The following MGMT variants were observed in gnomAD, a reference collection of about 807,000 sequenced individuals.
MGMT encodes methylated-DNA--protein-cysteine methyltransferase.
A neutral mutation model predicts 15.9 loss-of-function variants in MGMT; 14 were observed. The observed-to-expected ratio is 0.88, with a 90% CI of 0.58 to 1.37. The LOEUF is 1.37. Ranked by LOEUF, MGMT falls within the 40% of genes most tolerant of loss-of-function variation. The probability of loss-of-function intolerance (pLI) is 0.00; values close to 1 mark genes in which losing one functional copy is unlikely to be tolerated. For synonymous variants in MGMT, 130 were observed against 118.2 expected, an observed-to-expected ratio of 1.10 and a Z score of -0.65; for missense variants, 282 against 268.1, an observed-to-expected ratio of 1.05 and a Z score of -0.36.
At chr10:129,554,852 T>G (rs974522034) in intron 2 of MGMT, among the ~76,000 whole-genome samples, 4 of 152,164 alleles carry the variant, frequency 2.6e-5, no homozygotes, top group Admixed American at 1.3e-4. Flanking sequence ...AGAAGTGACA[T>G]TGTGTGGTGT....
At chr10:129,578,851 T>C (rs575038429) in intron 2 of MGMT, among the ~76,000 whole-genome samples, 24 of 152,336 alleles carry the variant, frequency 1.6e-4, no homozygotes, top group African/African-American at 5.8e-4. Context: ...TTAGTACAAA[T>C]AGTTTTAAAA....
chr10:129,611,992 C>T (rs774349601), intron 2 of MGMT, among the ~76,000 whole-genome samples: 53 of 152,152 alleles, frequency 3.5e-4, no homozygotes, highest in African/African-American at 3.9e-4. Context: ...GAACATGTGC[C>T]TAAGGTGGTC....
chr10:129,493,320 T>C lies in MGMT; in HGVS notation c.-13+26024T>C, dbSNP rs549006507. 2.0e-5 allele frequency among the ~76,000 whole-genome samples: 3 copies of C among 152,094 alleles called. No individual in the cohort carries two copies. The South Asian group carries it at 6.2e-4, about 32-fold the overall frequency. ...GAGGCCCCAGTGGAGCGTCTGGAGGTCATGAGGTGTGCACCTTCTCTGCTG... is the reference window on the plus strand; with the variant it reads ...GAGGCCCCAGTGGAGCGTCTGGAGGCCATGAGGTGTGCACCTTCTCTGCTG... On this transcript the variant is annotated intron_variant, in intron 1 of 4. Transcript: ENST00000651593.
chr10:129,559,796 GT>G (rs1352497411), intron 2 of MGMT, among the ~76,000 whole-genome samples: 1 of 152,108 alleles, frequency 6.6e-6, no homozygotes, highest in Non-Finnish European at 1.5e-5. Flanking sequence ...AACTTTTAAA[GT>G]TTTTCTCAAA....
intron 3 of MGMT, among the ~76,000 whole-genome samples, chr10:129,719,307 C>T (rs75459550): frequency 0.014 from 2,176 of 152,390 alleles, 32 homozygotes; most frequent in South Asian, 0.059. Context: ...CATGTGGGCC[C>T]TACTCTTGTG....
At chr10:129,740,187 G>T (rs1329028572) in intron 3 of MGMT, among the ~76,000 whole-genome samples, 1 of 152,230 alleles carries the variant, frequency 6.6e-6, no homozygotes, top group African/African-American at 2.4e-5. Context: ...AGGCTAACAT[G>T]CATCAGGTGC....
At chr10:129,519,695 C>T (rs1030531862) in intron 1 of MGMT, among the ~76,000 whole-genome samples, 3 of 152,156 alleles carry the variant, frequency 2.0e-5, no homozygotes, top group Non-Finnish European at 4.4e-5. Flanking sequence ...GAATTCTTCC[C>T]TGCAGAAATT....
At chr10:129,723,699 C>T (rs1331840393) in intron 3 of MGMT, among the ~76,000 whole-genome samples, 1 of 152,120 alleles carries the variant, frequency 6.6e-6, no homozygotes, top group East Asian at 1.9e-4. Context: ...GACCAACAAC[C>T]CAGTAAATAA....
At chr10:129,584,327 G>A (rs1589879604) in intron 2 of MGMT, among the ~76,000 whole-genome samples, 1 of 152,300 alleles carries the variant, frequency 6.6e-6, no homozygotes, top group Middle Eastern at 3.4e-3. Context: ...GCCTGTCCAT[G>A]GGGGCCTGAC....
chr10:129,705,911 C>T (rs1848154914), intron 2 of MGMT, among the ~76,000 whole-genome samples: 1 of 152,176 alleles, frequency 6.6e-6, no homozygotes, highest in Admixed American at 6.5e-5. Flanking sequence ...GCCCCATCCA[C>T]ACAGGGCCGG....
chr10:129,650,023 T>C (rs1847438619), intron 2 of MGMT, among the ~76,000 whole-genome samples: 1 of 152,018 alleles, frequency 6.6e-6, no homozygotes, highest in African/African-American at 2.4e-5. Flanking sequence ...CCTTAAAAGG[T>C]CTCACTTGAG....
At chr10:129,661,626 A>G (rs1847599250) in intron 2 of MGMT, among the ~76,000 whole-genome samples, 1 of 152,130 alleles carries the variant, frequency 6.6e-6, no homozygotes, top group Non-Finnish European at 1.5e-5. Context: ...TTTGTCTAAC[A>G]AGTTATACAT....
At chr10:129,687,848 G>T (rs183647750) in intron 2 of MGMT, among the ~76,000 whole-genome samples, 2,435 of 148,152 alleles carry the variant, frequency 0.016, 35 homozygotes, top group Middle Eastern at 0.025. Flanking sequence ...CCCTCCCCCA[G>T]CCCCCCACCC....
intron 1 of MGMT, among the ~76,000 whole-genome samples, chr10:129,521,712 C>A (rs2119726339): frequency 6.6e-6 from 1 of 152,294 alleles, no homozygotes; most frequent in East Asian, 1.9e-4. Context: ...CTCCATCCGC[C>A]CACAGTGTCG....
intron 2 of MGMT, among the ~76,000 whole-genome samples, chr10:129,676,248 G>A (rs1847784575): frequency 6.6e-6 from 1 of 152,150 alleles, no homozygotes; most frequent in South Asian, 2.1e-4. Context: ...CTTCCCTGTG[G>A]CCGCCCCCCG....
At chr10:129,606,710 G>A (rs1344309534) in intron 2 of MGMT, among the ~76,000 whole-genome samples, 2 of 152,178 alleles carry the variant, frequency 1.3e-5, no homozygotes, top group Non-Finnish European at 2.9e-5. Flanking sequence ...AATAAAAAGG[G>A]CTTAATACAG....
chr10:129,720,943 A>G (rs11016890), intron 3 of MGMT, among the ~76,000 whole-genome samples: 30,589 of 82,780 alleles, frequency 0.37, 3,206 homozygotes, highest in South Asian at 0.5. Flanking sequence ...TGTCAGGGGG[A>G]AAAAAAAAAA....
intron 2 of MGMT, among the ~76,000 whole-genome samples, chr10:129,599,695 G>A (rs1455455387): frequency 6.6e-6 from 1 of 152,154 alleles, no homozygotes; most frequent in African/African-American, 2.4e-5. Flanking sequence ...GATTCACTGA[G>A]GCCGGCAAGT....
At position 129,560,954 on chromosome 10, in the gene MGMT, AGTGTGTGTGTGTGTGTGT is replaced by A. The variant is rs57984603; in HGVS notation, c.125+24604_125+24621del. 2.5e-3 allele frequency among the ~76,000 whole-genome samples: 339 copies of A among 133,316 alleles called. 1 individual carries two copies. The highest frequency in any genetic ancestry group is 8.8e-3 in the African/African-American group (320 of 36,480). 87.5% of individuals were successfully genotyped at this position (133,316 alleles called of 152,430 possible). On this transcript the variant is annotated intron_variant, in intron 2 of 4. Transcript: ENST00000651593. ...TCTCCAGCTGAATTCAGTAAAGAGC[AGTGTGTGTGTGTGTGTGT>A]GTGTGTGTGTGTGTGTGTGTGTGTG...
Sources: gnomAD v4.1 joint callset for allele counts (sites outside exome capture counted in the v4.1 genomes callset) on GRCh38, gnomAD v4.1.1 for gene constraint, MANE v1.5 for transcripts, NCBI Gene and HGNC (gene_info 2026-07-23, HGNC 2026-07-21) for gene names.